The following SCMH1 variants were observed in gnomAD, a reference collection of about 807,000 sequenced individuals.
SCMH1 encodes Scm polycomb group protein homolog 1, also known as polycomb protein SCMH1.
A neutral mutation model predicts 70.8 loss-of-function variants in SCMH1; 37 were observed. The observed-to-expected ratio is 0.52, with a 90% CI of 0.40 to 0.69. The LOEUF is 0.69. Among genes scored for constraint, SCMH1 ranks in the 30% least tolerant of loss-of-function variants. The probability of loss-of-function intolerance (pLI) is 0.00; values close to 1 mark genes in which losing one functional copy is unlikely to be tolerated. For synonymous variants in SCMH1, 292 were observed against 307.4 expected, an observed-to-expected ratio of 0.95 and a Z score of 0.52; for missense variants, 607 against 827.3, an observed-to-expected ratio of 0.73 and a Z score of 3.27.
chr1:41,037,515 G>C, exon 13 of SCMH1: 1 of 1,614,190 alleles, frequency 6.2e-7, no homozygotes, highest in East Asian at 2.2e-5. Context: ...GAGCGGGCCA[G>C]ACTATTCCCC....
chr1:41,062,101 A>C (rs747329328), intron 10 of SCMH1, among the ~76,000 whole-genome samples: 1 of 152,118 alleles, frequency 6.6e-6, no homozygotes, highest in South Asian at 2.1e-4. Context: ...CCTGAGCTCA[A>C]GTGATCCACT....
intron 6 of SCMH1, among the ~76,000 whole-genome samples, chr1:41,131,122 A>C (rs1674588502): frequency 6.6e-6 from 1 of 152,142 alleles, no homozygotes; most frequent in Admixed American, 6.5e-5. Flanking sequence ...TTCTATGTGA[A>C]TATCCATTTG....
chr1:41,115,995 C>A (rs1428605656), intron 7 of SCMH1, among the ~76,000 whole-genome samples: 1 of 152,110 alleles, frequency 6.6e-6, no homozygotes, highest in Non-Finnish European at 1.5e-5. Flanking sequence ...ATTACAACTA[C>A]CTTATTGTCT....
chr1:41,130,649 T>C (rs866326831), intron 6 of SCMH1, among the ~76,000 whole-genome samples: 1 of 152,196 alleles, frequency 6.6e-6, no homozygotes, highest in Non-Finnish European at 1.5e-5. Flanking sequence ...TCACACACCA[T>C]AAAATTTACT....
At chr1:41,207,554 A>T (rs1655857510) in intron 1 of SCMH1, among the ~76,000 whole-genome samples, 1 of 152,178 alleles carries the variant, frequency 6.6e-6, no homozygotes, top group East Asian at 1.9e-4. Flanking sequence ...GTCCTTAGAG[A>T]CCTGCAAAGA....
intron 8 of SCMH1, among the ~76,000 whole-genome samples, chr1:41,103,902 A>G (rs1667224806): frequency 6.6e-6 from 1 of 151,724 alleles, no homozygotes; most frequent in African/African-American, 2.4e-5. Context: ...TTCATAATCT[A>G]CTCCACCCAT....
chr1:41,189,462 A>G (rs1375169138), intron 1 of SCMH1, among the ~76,000 whole-genome samples: 1 of 152,182 alleles, frequency 6.6e-6, no homozygotes, highest in Non-Finnish European at 1.5e-5. Context: ...GAGTATTTCC[A>G]GCACATCTCA....
At chr1:41,241,538 C>A (rs960927913) in intron 1 of SCMH1, among the ~76,000 whole-genome samples, 2 of 152,252 alleles carry the variant, frequency 1.3e-5, no homozygotes, top group African/African-American at 4.8e-5. Flanking sequence ...CTGTCTCTGC[C>A]TTCCCCGAAC....
intron 1 of SCMH1, among the ~76,000 whole-genome samples, chr1:41,200,082 T>C (rs955790035): frequency 6.6e-6 from 1 of 152,206 alleles, no homozygotes; most frequent in Non-Finnish European, 1.5e-5. Context: ...AAGGAACTAA[T>C]TGGCACTGGC....
intron 13 of SCMH1, 78 bp from the exon 15 acceptor site, chr1:41,028,804 A>C: frequency 4.7e-4 from 700 of 1,479,536 alleles, no homozygotes; most frequent in Non-Finnish European, 6.0e-4. Context: ...GGCACATCTC[A>C]GTGGCCTTCT....
intron 1 of SCMH1, among the ~76,000 whole-genome samples, chr1:41,194,619 G>C (rs1454023904): frequency 6.6e-6 from 1 of 152,124 alleles, no homozygotes; most frequent in Non-Finnish European, 1.5e-5. Context: ...AGACTCTTTT[G>C]GATAGAGCTA....
exon 2 of SCMH1, chr1:41,186,167 GA>G (rs1451223847): frequency 7.1e-6 from 9 of 1,273,482 alleles, no homozygotes; most frequent in Non-Finnish European, 1.0e-5. Flanking sequence ...TAGGGGTTAA[GA>G]AGTTTGGGAT....
chr1:41,039,248 G>C (rs1033931348), intron 12 of SCMH1, among the ~76,000 whole-genome samples: 9 of 152,186 alleles, frequency 5.9e-5, no homozygotes, highest in African/African-American at 1.9e-4. Context: ...ACCAGATGCT[G>C]ATGCAAACCA....
chr1:41,127,573 G>A (rs1008883406), intron 6 of SCMH1, among the ~76,000 whole-genome samples: 3 of 152,100 alleles, frequency 2.0e-5, no homozygotes, highest in African/African-American at 7.2e-5. Context: ...TGTCATTTAT[G>A]AAAAAGTCAA....
At chr1:41,150,454 G>C (rs1159648699) in intron 5 of SCMH1, among the ~76,000 whole-genome samples, 1 of 152,158 alleles carries the variant, frequency 6.6e-6, no homozygotes, top group African/African-American at 2.4e-5. Context: ...AGTGAGCCAA[G>C]ATCAAGACAC....
intron 5 of SCMH1, among the ~76,000 whole-genome samples, chr1:41,145,770 T>A (rs1461260495): frequency 6.6e-6 from 1 of 152,176 alleles, no homozygotes; most frequent in Non-Finnish European, 1.5e-5. Flanking sequence ...AATTCCTGTA[T>A]CCTAGTTATA....
chr1:41,112,212 T>C (rs1375731439), intron 8 of SCMH1, among the ~76,000 whole-genome samples: 2 of 152,224 alleles, frequency 1.3e-5, no homozygotes, highest in African/African-American at 4.8e-5. Flanking sequence ...CACAGCAATG[T>C]TGTTCATTTT....
At chr1:41,184,010 T>A (rs912526487) in intron 2 of SCMH1, among the ~76,000 whole-genome samples, 1 of 152,150 alleles carries the variant, frequency 6.6e-6, no homozygotes, top group Non-Finnish European at 1.5e-5. Context: ...GTTCTAGAGA[T>A]TGATGGTGGT....
At chr1:41,046,049 G>A (rs188998995) in intron 12 of SCMH1, among the ~76,000 whole-genome samples, 2 of 152,230 alleles carry the variant, frequency 1.3e-5, no homozygotes, top group East Asian at 1.9e-4. Context: ...TGCTGGCAAG[G>A]GAGATGTGTG....
Sources: gnomAD v4.1 joint callset for allele counts (sites outside exome capture counted in the v4.1 genomes callset) on GRCh38, gnomAD v4.1.1 for gene constraint, MANE v1.5 for transcripts, NCBI Gene and HGNC (gene_info 2026-07-23, HGNC 2026-07-21) for gene names.